The following CCDC91 variants were observed in gnomAD, a reference collection of about 807,000 sequenced individuals.
The protein encoded by CCDC91 is coiled-coil domain containing 91.
In CCDC91, 48 loss-of-function variants were observed where a neutral mutation model predicts 63.2. The observed-to-expected ratio is 0.76, with a 90% confidence interval of 0.60 to 0.97. The LOEUF (loss-of-function observed/expected upper bound fraction) is 0.97. Among genes scored for constraint, CCDC91 ranks in the 50% least tolerant of loss-of-function variants. The pLI is 0.00. For missense variants in CCDC91, 500 were observed against 494.6 expected, an observed-to-expected ratio of 1.01 and a Z score of -0.10; for synonymous variants, 167 against 165.8, an observed-to-expected ratio of 1.01 and a Z score of -0.06.
chr12:28,421,779 C>A (rs1449496556), intron 8 of CCDC91, among the ~76,000 whole-genome samples: 1 of 151,974 alleles, frequency 6.6e-6, no homozygotes. Flanking sequence ...TGCTAGCCCC[C>A]ACAAGCCTGT....
At chr12:28,522,084 C>T (rs1186506221) in intron 12 of CCDC91, among the ~76,000 whole-genome samples, 1 of 152,106 alleles carries the variant, frequency 6.6e-6, no homozygotes, top group African/African-American at 2.4e-5. Context: ...ATGCTGGCCT[C>T]ATAAAATGAG....
intron 1 of CCDC91, among the ~76,000 whole-genome samples, chr12:28,251,273 T>A (rs1405732293): frequency 6.6e-6 from 1 of 152,014 alleles, no homozygotes; most frequent in East Asian, 1.9e-4. Context: ...ATGTCTTTAT[T>A]AGACCTTTTT....
chr12:28,221,627 GC>G (rs971469788), intron 1 of CCDC91, among the ~76,000 whole-genome samples: 7 of 152,246 alleles, frequency 4.6e-5, no homozygotes, highest in African/African-American at 1.7e-4. Context: ...GTCTAATACA[GC>G]CCCACTACTA....
At chr12:28,444,224 G>A (rs1179835542) in intron 8 of CCDC91, among the ~76,000 whole-genome samples, 1 of 152,136 alleles carries the variant, frequency 6.6e-6, no homozygotes, top group Non-Finnish European at 1.5e-5. Context: ...GAGAAGAATG[G>A]CATTCATTTA....
chr12:28,244,030 A>G (rs1202815482), intron 1 of CCDC91, among the ~76,000 whole-genome samples: 4 of 152,256 alleles, frequency 2.6e-5, no homozygotes, highest in African/African-American at 4.8e-5. Flanking sequence ...ACAGGACAGT[A>G]GCAAATTGAA....
At chr12:28,547,175 C>T (rs1450643355) in intron 12 of CCDC91, among the ~76,000 whole-genome samples, 1 of 152,060 alleles carries the variant, frequency 6.6e-6, no homozygotes, top group Middle Eastern at 3.2e-3. Context: ...ACAGAAATCA[C>T]TGGAGAATGG....
chr12:28,412,669 C>T (rs557737870), intron 8 of CCDC91: 15 of 433,196 alleles, frequency 3.5e-5, no homozygotes, highest in African/African-American at 3.0e-4. Flanking sequence ...TGGAAGGGGA[C>T]CTGAGCAGGT....
chr12:28,407,626 C>G (rs1565925085), intron 8 of CCDC91, among the ~76,000 whole-genome samples: 2 of 152,104 alleles, frequency 1.3e-5, no homozygotes, highest in Non-Finnish European at 2.9e-5. Context: ...CAAGCAATTT[C>G]TACAACAAGG....
chr12:28,363,899 GAAAA>G (rs1474544387), intron 7 of CCDC91, among the ~76,000 whole-genome samples: 3 of 102,074 alleles, frequency 2.9e-5, no homozygotes, highest in South Asian at 3.3e-4. Flanking sequence ...AAAAAAAAAA[GAAAA>G]AAGAAAAATC....
At chr12:28,210,072 CT>C (rs1208572764) in intron 1 of CCDC91, among the ~76,000 whole-genome samples, 31 of 152,086 alleles carry the variant, frequency 2.0e-4, no homozygotes, top group Non-Finnish European at 1.9e-4. Flanking sequence ...TCATTTTTTA[CT>C]TTAGGACAAT....
intron 6 of CCDC91, among the ~76,000 whole-genome samples, chr12:28,328,815 CTTTATTG>C (rs1941245487): frequency 6.6e-6 from 1 of 151,850 alleles, no homozygotes; most frequent in Non-Finnish European, 1.5e-5. Flanking sequence ...TTTTTAACTC[CTTTATTG>C]TTTATAAACT....
At chr12:28,542,728 G>C (rs1377441186) in intron 12 of CCDC91, among the ~76,000 whole-genome samples, 1 of 152,002 alleles carries the variant, frequency 6.6e-6, no homozygotes, top group Non-Finnish European at 1.5e-5. Context: ...ATTCTGAGAA[G>C]TTCATAGAAA....
intron 8 of CCDC91, among the ~76,000 whole-genome samples, chr12:28,405,665 A>G (rs1946890596): frequency 6.6e-6 from 1 of 152,206 alleles, no homozygotes; most frequent in Non-Finnish European, 1.5e-5. Flanking sequence ...TCTTCAAAGC[A>G]TCCATCCCTT....
intron 7 of CCDC91, among the ~76,000 whole-genome samples, chr12:28,387,019 A>G (rs868796708): frequency 3.9e-5 from 6 of 152,210 alleles, no homozygotes; most frequent in African/African-American, 1.2e-4. Context: ...GAAGAAGACA[A>G]TCAGCAAATG....
intron 12 of CCDC91, among the ~76,000 whole-genome samples, chr12:28,485,143 T>C (rs557841026): frequency 2.4e-4 from 36 of 151,698 alleles, no homozygotes; most frequent in African/African-American, 8.7e-4. Context: ...ATGACACTAC[T>C]TTAGTCCTAT....
At chr12:28,414,277 T>C (rs1947503129) in intron 8 of CCDC91, among the ~76,000 whole-genome samples, 2 of 152,164 alleles carry the variant, frequency 1.3e-5, no homozygotes, top group Admixed American at 1.3e-4. Context: ...TGAGAAATAT[T>C]GTAATAATAA....
chr12:28,258,319 G>A (rs1424949380), intron 2 of CCDC91, among the ~76,000 whole-genome samples: 3 of 149,990 alleles, frequency 2.0e-5, no homozygotes, highest in Non-Finnish European at 4.5e-5. Flanking sequence ...GATATCATCT[G>A]GCTTAGTTTA....
intron 1 of CCDC91, among the ~76,000 whole-genome samples, chr12:28,254,979 A>AC (rs1346817262): frequency 1.3e-5 from 2 of 151,818 alleles, no homozygotes; most frequent in African/African-American, 4.8e-5. Context: ...CACCATGTTG[A>AC]CCAGGCTGGT....
chr12:28,342,790 G>A (rs1942529680), intron 6 of CCDC91, among the ~76,000 whole-genome samples: 1 of 152,144 alleles, frequency 6.6e-6, no homozygotes, highest in South Asian at 2.1e-4. Flanking sequence ...ATACAGACTA[G>A]TGGATGTAAT....
Sources: gnomAD v4.1 joint callset for allele counts (sites outside exome capture counted in the v4.1 genomes callset) on GRCh38, gnomAD v4.1.1 for gene constraint, MANE v1.5 for transcripts, NCBI Gene and HGNC (gene_info 2026-07-23, HGNC 2026-07-21) for gene names.